The following LRRC8D variants were observed in gnomAD, a reference collection of about 807,000 sequenced individuals.
LRRC8D encodes leucine rich repeat containing 8 VRAC subunit D.
Under a neutral mutation model 55.8 loss-of-function variants are expected in LRRC8D, and 20 were observed. The observed-to-expected ratio is 0.36, with a 90% confidence interval of 0.25 to 0.52. The LOEUF (loss-of-function observed/expected upper bound fraction) is 0.52, where lower values mean the gene tolerates loss of function less well. Among genes scored for constraint, LRRC8D ranks in the 20% least tolerant of loss-of-function variants. The pLI, the probability that LRRC8D is intolerant of heterozygous loss-of-function variation, is 0.93. For missense variants in LRRC8D, 651 were observed against 1,030.8 expected (o/e 0.63, Z 5.05); for synonymous variants, 352 against 377.0 (o/e 0.93, Z 0.77).
At chr1:89,830,684 C>T (rs373941907) in intron 1 of LRRC8D, among the ~76,000 whole-genome samples, 27 of 152,188 alleles carry the variant, frequency 1.8e-4, no homozygotes, top group African/African-American at 6.5e-4. Flanking sequence ...GAATGTGGGC[C>T]GGTGTTGCCA....
At chr1:89,906,380 G>A (rs1662994833) in intron 2 of LRRC8D, among the ~76,000 whole-genome samples, 1 of 152,120 alleles carries the variant, frequency 6.6e-6, no homozygotes, top group Non-Finnish European at 1.5e-5. Flanking sequence ...CATCACTGAA[G>A]GGAATTCATC....
intron 2 of LRRC8D, among the ~76,000 whole-genome samples, chr1:89,855,656 A>G (rs1661533845): frequency 6.6e-6 from 1 of 152,242 alleles, no homozygotes; most frequent in Non-Finnish European, 1.5e-5. Context: ...GTCTGACTAT[A>G]CAATTGCCTC....
intron 1 of LRRC8D, among the ~76,000 whole-genome samples, chr1:89,826,795 A>G (rs1165352044): frequency 6.6e-6 from 1 of 152,200 alleles, no homozygotes; most frequent in Non-Finnish European, 1.5e-5. Context: ...TGCAGATGAC[A>G]GCTTTTCTGG....
chr1:89,919,520 A>G lies in LRRC8D; in HGVS notation c.-2-13547A>G, dbSNP rs548059710. On this transcript the variant is annotated intron_variant, in intron 2 of 2. Coordinates refer to ENST00000337338, the MANE Select transcript of LRRC8D (RefSeq NM_001134479.2). ...AAATGTCAGTAAACTTAAAAGGAAA[A>G]TGGTCAAGTTTAATCTAAGATGTCC... 1.2e-4 allele frequency among the ~76,000 whole-genome samples: 19 copies of G among 152,336 alleles called. No individual in the cohort carries two copies. In the South Asian group the frequency reaches 3.9e-3, roughly 32 times the overall value.
At chr1:89,839,126 G>A (rs542510819) in intron 1 of LRRC8D, among the ~76,000 whole-genome samples, 44 of 152,272 alleles carry the variant, frequency 2.9e-4, no homozygotes, top group African/African-American at 1.0e-3. Flanking sequence ...GTGAGTTTTC[G>A]TTCCATTACC....
chr1:89,861,299 A>G (rs1378926200), intron 2 of LRRC8D, among the ~76,000 whole-genome samples: 5 of 152,192 alleles, frequency 3.3e-5, no homozygotes, highest in Admixed American at 1.3e-4. Context: ...CCCCCTCTTT[A>G]AAATGAGGTC....
intron 2 of LRRC8D, among the ~76,000 whole-genome samples, chr1:89,895,277 C>T (rs1662678987): frequency 6.6e-6 from 1 of 152,096 alleles, no homozygotes; most frequent in Non-Finnish European, 1.5e-5. Context: ...TAAATTTGTT[C>T]ATTTTTCTTA....
chr1:89,877,533 C>A (rs1662177500), intron 2 of LRRC8D, among the ~76,000 whole-genome samples: 1 of 151,936 alleles, frequency 6.6e-6, no homozygotes, highest in Non-Finnish European at 1.5e-5. Context: ...ACATATTTGC[C>A]CCACTCCCCC....
chr1:89,840,394 A>G (rs1374474018), intron 1 of LRRC8D, among the ~76,000 whole-genome samples: 3 of 152,196 alleles, frequency 2.0e-5, no homozygotes, highest in African/African-American at 7.2e-5. Flanking sequence ...GTATTCTCCA[A>G]ACTGTAAACT....
At chr1:89,899,791 T>C (rs181730665) in intron 2 of LRRC8D, among the ~76,000 whole-genome samples, 1 of 152,248 alleles carries the variant, frequency 6.6e-6, no homozygotes, top group African/African-American at 2.4e-5. Context: ...TCAGAACTGA[T>C]GGTCCTGGGG....
At chr1:89,921,916 C>G (rs1157177755) in intron 2 of LRRC8D, among the ~76,000 whole-genome samples, 1 of 152,098 alleles carries the variant, frequency 6.6e-6, no homozygotes, top group Non-Finnish European at 1.5e-5. Flanking sequence ...TTGCTTATAA[C>G]AATCTCATGA....
intron 2 of LRRC8D, among the ~76,000 whole-genome samples, chr1:89,904,270 G>GT (rs553103568): frequency 7.7e-4 from 118 of 152,352 alleles, no homozygotes; most frequent in Middle Eastern, 3.4e-3. Flanking sequence ...CATTGCAGCT[G>GT]TAAGTGACCA....
At position 89,935,707 on chromosome 1, in the gene LRRC8D, T is replaced by C. The variant is rs1206925808; in HGVS notation, c.*62T>C. The C allele has an allele frequency of 3.6e-6, 5 of 1,403,824 alleles. No individual in the cohort carries two copies. The highest frequency in any genetic ancestry group is 4.9e-6 in the Non-Finnish European group (5 of 1,011,172). 87.0% of individuals were successfully genotyped at this position (1,403,824 alleles called of 1,614,324 possible). On this transcript the variant is annotated 3_prime_UTR_variant, in exon 3 of 3. Transcript: ENST00000337338. ...ACTTCCTAGATTGCAAGTGCTCACG[T>C]ACAAGTTATTACAAGATAATGCATT...
intron 2 of LRRC8D, among the ~76,000 whole-genome samples, chr1:89,871,037 G>A (rs926650306): frequency 1.3e-5 from 2 of 152,124 alleles, no homozygotes; most frequent in African/African-American, 4.8e-5. Context: ...GTATTGAAGT[G>A]GTAGATGGTG....
intron 1 of LRRC8D, among the ~76,000 whole-genome samples, chr1:89,822,853 G>T (rs563078899): frequency 2.6e-5 from 4 of 152,116 alleles, no homozygotes; most frequent in Non-Finnish European, 4.4e-5. Flanking sequence ...CGAGAGTTGG[G>T]GTTCTTGCTT....
At chr1:89,881,257 A>T (rs1557465383) in intron 2 of LRRC8D, among the ~76,000 whole-genome samples, 2 of 152,222 alleles carry the variant, frequency 1.3e-5, no homozygotes, top group Non-Finnish European at 1.5e-5. Context: ...AAGTGGGAGT[A>T]TGTGGAAATT....
At chr1:89,839,410 A>G (rs1385719172) in intron 1 of LRRC8D, among the ~76,000 whole-genome samples, 1 of 152,160 alleles carries the variant, frequency 6.6e-6, no homozygotes, top group African/African-American at 2.4e-5. Context: ...TGGATCTTCT[A>G]AGTCATGCTG....
intron 2 of LRRC8D, among the ~76,000 whole-genome samples, chr1:89,882,532 A>T (rs1343600071): frequency 6.6e-6 from 1 of 152,236 alleles, no homozygotes; most frequent in East Asian, 1.9e-4. Flanking sequence ...AAAAGGGCTC[A>T]TCCCCTGCCC....
chr1:89,919,359 T>C (rs1031732396), intron 2 of LRRC8D, among the ~76,000 whole-genome samples: 1 of 152,156 alleles, frequency 6.6e-6, no homozygotes, highest in Non-Finnish European at 1.5e-5. Context: ...AGCAGATATT[T>C]ATGGGTTTAT....
Sources: gnomAD v4.1 joint callset for allele counts (sites outside exome capture counted in the v4.1 genomes callset) on GRCh38, gnomAD v4.1.1 for gene constraint, MANE v1.5 for transcripts, NCBI Gene and HGNC (gene_info 2026-07-23, HGNC 2026-07-21) for gene names.